DLGAP2: variants seen among roughly 807,000 people sequenced by gnomAD.
DLGAP2 encodes DLG associated protein 2, also known as disks large-associated protein 2.
A neutral mutation model predicts 100.3 loss-of-function variants in DLGAP2; 26 were observed. The ratio of observed to expected loss-of-function variants is 0.26; its 90% CI spans 0.19 to 0.36. DLGAP2 has a LOEUF of 0.36. Among genes scored for constraint, DLGAP2 ranks in the 10% least tolerant of loss-of-function variants. The pLI, the probability that DLGAP2 is intolerant of heterozygous loss-of-function variation, is 1.00. For missense variants in DLGAP2, 1,858 were observed against 1,453.2 expected (o/e 1.28, Z -4.53); for synonymous variants, 886 against 630.1 (o/e 1.41, Z -6.08).
intron 2 of DLGAP2, among the ~76,000 whole-genome samples, chr8:956,761 C>T (rs1799607196): frequency 6.6e-6 from 1 of 152,208 alleles, no homozygotes; most frequent in South Asian, 2.1e-4. Context: ...TGAGGTCTAA[C>T]CATGATTCAG....
chr8:964,897 C>T (rs1323202062), intron 2 of DLGAP2, among the ~76,000 whole-genome samples: 1 of 152,212 alleles, frequency 6.6e-6, no homozygotes, highest in African/African-American at 2.4e-5. Context: ...GTACTGCCTT[C>T]CCGCTCGCTG....
rs547567558 is a variant in DLGAP2, at chr8:799,253, T to C, written c.18+61428T>C. ...TCCCTCGTCAGCACCGTCACAGCTCTGTTTTCTGAGTGGTCATGCCCAGGC... is the reference window on the plus strand; with the variant it reads ...TCCCTCGTCAGCACCGTCACAGCTCCGTTTTCTGAGTGGTCATGCCCAGGC... On this transcript the variant is annotated intron_variant, in intron 1 of 14. Coordinates refer to ENST00000637795, the MANE Select transcript of DLGAP2 (RefSeq NM_001346810.2). Among the ~76,000 whole-genome samples the C allele has an allele frequency of 2.7e-4, 41 of 152,280 alleles. No homozygotes were observed. In the East Asian group the frequency reaches 3.5e-3, roughly 13 times the overall value.
chr8:850,707 A>G (rs1354154510), intron 1 of DLGAP2, among the ~76,000 whole-genome samples: 1 of 152,220 alleles, frequency 6.6e-6, no homozygotes, highest in Non-Finnish European at 1.5e-5. Flanking sequence ...ATTATTTTAT[A>G]ATAGCATGAA....
Position 1,422,952 on chromosome 8 carries a change from A to G in DLGAP2, c.107-78414A>G, listed in dbSNP as rs528790633. Among the ~76,000 whole-genome samples, 143 of 152,208 alleles carry G rather than the reference A, an allele frequency of 9.4e-4. 1 individual carries two copies. The highest frequency in any genetic ancestry group is 3.3e-3 in the African/African-American group (137 of 41,544). On this transcript the variant is annotated intron_variant, in intron 3 of 14. Transcript: ENST00000637795. ...GCCAACTCTGTCCAGGGGGCCCCTT[A>G]GCCTGGGGAGGGGATCCGTGCAGGT...
At chr8:1,266,718 G>T (rs1453398574) in intron 3 of DLGAP2, among the ~76,000 whole-genome samples, 3 of 152,072 alleles carry the variant, frequency 2.0e-5, no homozygotes, top group Non-Finnish European at 1.5e-5. Context: ...ATACAGTGAG[G>T]GGGGAGGGGA....
intron 1 of DLGAP2, among the ~76,000 whole-genome samples, chr8:840,456 C>T (rs1195775079): frequency 2.2e-5 from 3 of 133,790 alleles, no homozygotes; most frequent in Non-Finnish European, 4.7e-5. Context: ...TCTGGGAGCG[C>T]GTCTACACGG....
intron 1 of DLGAP2, among the ~76,000 whole-genome samples, chr8:807,149 T>C (rs1036843687): frequency 2.0e-5 from 3 of 152,204 alleles, no homozygotes; most frequent in Non-Finnish European, 4.4e-5. Flanking sequence ...AGTGGGCTGG[T>C]GGCACGACAT....
rs180862415 is a variant in DLGAP2 at position 871,111 on chromosome 8, C to T, written c.19-36801C>T. Among the ~76,000 whole-genome samples the T allele has an allele frequency of 5.0e-3, 756 of 152,340 alleles. 4 individuals carry two copies. Among genetic ancestry groups the T allele is most frequent in the Non-Finnish European group, 7.1e-3 (486 of 68,036 alleles). Reference sequence around the variant, plus strand: ...CAGTCAGAGCCTGACCACCTCTGGGCACCAGTGTGCAGGTGTCTGCCTGTG... The same window carrying T: ...CAGTCAGAGCCTGACCACCTCTGGGTACCAGTGTGCAGGTGTCTGCCTGTG... On this transcript the variant is annotated intron_variant, in intron 1 of 14. Transcript: ENST00000637795.
intron 3 of DLGAP2, among the ~76,000 whole-genome samples, chr8:1,292,159 C>CT (rs1800073139): frequency 1.3e-5 from 2 of 152,228 alleles, no homozygotes; most frequent in African/African-American, 4.8e-5. Context: ...GAATCGCTGG[C>CT]TTTGGGGGGA....
chr8:1,060,374 G>A (rs530533927), intron 2 of DLGAP2, among the ~76,000 whole-genome samples: 1 of 82,014 alleles, frequency 1.2e-5, no homozygotes, highest in Non-Finnish European at 2.9e-5. Context: ...CCCTCCCAAG[G>A]CGGGCTCCCT....
intron 8 of DLGAP2, among the ~76,000 whole-genome samples, chr8:1,647,834 G>C (rs1464875562): frequency 6.6e-6 from 1 of 152,146 alleles, no homozygotes; most frequent in Non-Finnish European, 1.5e-5. Context: ...TGGAAGTCTG[G>C]GGTCAGGGTG....
intron 3 of DLGAP2, among the ~76,000 whole-genome samples, chr8:1,278,562 G>C (rs1799753141): frequency 6.6e-6 from 1 of 152,174 alleles, no homozygotes; most frequent in Non-Finnish European, 1.5e-5. Context: ...ATCAGGTTTA[G>C]TAAAATTCAG....
At chr8:1,490,980 A>T (rs1436520762) in intron 3 of DLGAP2, among the ~76,000 whole-genome samples, 1 of 149,942 alleles carries the variant, frequency 6.7e-6, no homozygotes, top group Non-Finnish European at 1.5e-5. Flanking sequence ...CATATGTAAC[A>T]AACCTGCACA....
At chr8:1,373,940 C>T (rs1802319267) in intron 3 of DLGAP2, 1 of 152,470 alleles carries the variant, frequency 6.6e-6, no homozygotes, top group Non-Finnish European at 1.5e-5. Context: ...AAAAAGTTAT[C>T]CCAATTGAAT....
intron 2 of DLGAP2, among the ~76,000 whole-genome samples, chr8:978,774 C>G (rs1055122036): frequency 6.6e-5 from 10 of 152,042 alleles, no homozygotes; most frequent in African/African-American, 2.2e-4. Flanking sequence ...GGGATTTTCC[C>G]CAGAAGTGAA....
At chr8:866,897 T>TGCCACGTTCCCAGGGAA (rs1210542819) in intron 1 of DLGAP2, among the ~76,000 whole-genome samples, 2 of 152,270 alleles carry the variant, frequency 1.3e-5, no homozygotes, top group African/African-American at 2.4e-5. Context: ...CGCCCCAACA[T>TGCCACGTTCCCAGGGAA]GCCACGTTCC....
intron 2 of DLGAP2, among the ~76,000 whole-genome samples, chr8:926,795 G>C (rs1417517881): frequency 2.0e-5 from 3 of 152,254 alleles, no homozygotes; most frequent in Admixed American, 6.5e-5. Context: ...GCACCCACAG[G>C]AGCCGTCACA....
intron 4 of DLGAP2, among the ~76,000 whole-genome samples, chr8:1,513,281 G>A (rs150500710): frequency 9.1e-4 from 81 of 89,064 alleles, no homozygotes; most frequent in South Asian, 1.6e-3. Flanking sequence ...AGGGAGGCTC[G>A]GTGGGATAAG....
intron 2 of DLGAP2, among the ~76,000 whole-genome samples, chr8:1,231,621 CT>C (rs1210754931): frequency 6.6e-6 from 1 of 152,170 alleles, no homozygotes; most frequent in East Asian, 1.9e-4. Flanking sequence ...AAGAAAATGG[CT>C]GTGTACACCG....
Sources: allele counts gnomAD v4.1 joint callset (sites outside exome capture counted in the v4.1 genomes callset), GRCh38; gene constraint gnomAD v4.1.1; transcripts MANE v1.5; gene names NCBI Gene and HGNC (gene_info 2026-07-23, HGNC 2026-07-21).